PPARGC1A: variants seen among roughly 807,000 people sequenced by gnomAD.
PPARGC1A encodes peroxisome proliferator-activated receptor gamma coactivator 1-alpha.
A neutral mutation model predicts 88.7 loss-of-function variants in PPARGC1A; 25 were observed. The observed-to-expected ratio is 0.28, with a 90% CI of 0.21 to 0.39. The LOEUF (loss-of-function observed/expected upper bound fraction) is 0.39, where lower values mean the gene tolerates loss of function less well. Ranked by LOEUF, PPARGC1A falls within the 10% of genes least tolerant of loss-of-function variation. The pLI is 1.00. For synonymous variants in PPARGC1A, 363 were observed against 355.6 expected, an observed-to-expected ratio of 1.02 and a Z score of -0.24; for missense variants, 880 against 968.7, an observed-to-expected ratio of 0.91 and a Z score of 1.22.
chr4:24,191,175 T>C, the PPARGC1A span, among the ~76,000 whole-genome samples: 2 of 152,186 alleles, frequency 1.3e-5, no homozygotes, highest in South Asian at 2.1e-4. Context: ...TCGAGCTGTA[T>C]GTATTCTCGG....
At chr4:23,925,147 C>T in the PPARGC1A span, among the ~76,000 whole-genome samples, 13 of 152,208 alleles carry the variant, frequency 8.5e-5, no homozygotes, top group Non-Finnish European at 1.9e-4. Flanking sequence ...TAAAAATCTT[C>T]TCAATTTGAG....
chr4:24,446,213 C>G, the PPARGC1A span, among the ~76,000 whole-genome samples: 1 of 152,170 alleles, frequency 6.6e-6, no homozygotes, highest in Middle Eastern at 3.2e-3. Context: ...TGAATTTCCC[C>G]ACATCTTCAC....
chr4:24,462,243 AC>A, the PPARGC1A span, among the ~76,000 whole-genome samples: 1 of 129,886 alleles, frequency 7.7e-6, no homozygotes, highest in African/African-American at 2.8e-5. Flanking sequence ...ACACCACCGC[AC>A]CCGGCTAAAT....
the PPARGC1A span, among the ~76,000 whole-genome samples, chr4:23,962,066 A>C: frequency 6.6e-6 from 1 of 152,142 alleles, no homozygotes; most frequent in Admixed American, 6.5e-5. Context: ...TCAAACAGCA[A>C]ATCTGCTGAG....
the PPARGC1A span, among the ~76,000 whole-genome samples, chr4:24,165,576 T>G: frequency 6.6e-6 from 1 of 152,234 alleles, no homozygotes; most frequent in Non-Finnish European, 1.5e-5. Context: ...AGCACCACTT[T>G]TCCAATAGCA....
chr4:23,910,499 G>A, the PPARGC1A span, among the ~76,000 whole-genome samples: 1 of 140,916 alleles, frequency 7.1e-6, no homozygotes. Context: ...GGAGCACAAT[G>A]GCACAATCTC....
At chr4:24,096,799 G>T in the PPARGC1A span, among the ~76,000 whole-genome samples, 1 of 152,132 alleles carries the variant, frequency 6.6e-6, no homozygotes, top group Non-Finnish European at 1.5e-5. Flanking sequence ...TTAAGAATAT[G>T]CTGACTAATA....
At chr4:24,330,589 G>C in the PPARGC1A span, among the ~76,000 whole-genome samples, 3 of 152,168 alleles carry the variant, frequency 2.0e-5, no homozygotes, top group African/African-American at 7.2e-5. Flanking sequence ...GCTGACCCCA[G>C]TTAACCCCCA....
the PPARGC1A span, among the ~76,000 whole-genome samples, chr4:24,233,620 A>T: frequency 7.0e-6 from 1 of 142,156 alleles, no homozygotes; most frequent in African/African-American, 2.6e-5. Flanking sequence ...ACACACACAC[A>T]CATATACACA....
chr4:24,272,136 A>G, the PPARGC1A span, among the ~76,000 whole-genome samples: 2 of 152,126 alleles, frequency 1.3e-5, no homozygotes, highest in African/African-American at 4.8e-5. Flanking sequence ...TGCTGAGTCC[A>G]TGGGATGATG....
intron 12 of PPARGC1A, among the ~76,000 whole-genome samples, chr4:23,798,870 T>C (rs1261345998): frequency 6.6e-6 from 1 of 152,222 alleles, no homozygotes; most frequent in East Asian, 1.9e-4. Flanking sequence ...CTCACTCTCA[T>C]TTATAATACT....
chr4:24,022,082 A>G, the PPARGC1A span, among the ~76,000 whole-genome samples: 1 of 152,146 alleles, frequency 6.6e-6, no homozygotes, highest in African/African-American at 2.4e-5. Flanking sequence ...CTGAGGGGCC[A>G]GGTCAGGCTG....
chr4:24,335,220 A>G, the PPARGC1A span, among the ~76,000 whole-genome samples: 24 of 152,350 alleles, frequency 1.6e-4, no homozygotes, highest in Admixed American at 1.0e-3. Context: ...AGTATGTGTT[A>G]GGATTTTACA....
the PPARGC1A span, among the ~76,000 whole-genome samples, chr4:24,006,031 T>G: frequency 1.3e-5 from 2 of 151,972 alleles, no homozygotes; most frequent in Non-Finnish European, 2.9e-5. Flanking sequence ...TTTGGTTTTG[T>G]TTTTGTGTTG....
the PPARGC1A span, among the ~76,000 whole-genome samples, chr4:24,437,682 T>C: frequency 6.6e-6 from 1 of 151,990 alleles, no homozygotes; most frequent in Non-Finnish European, 1.5e-5. Context: ...TTTTTTTTTC[T>C]TTTCGAGATG....
chr4:24,103,617 G>A, the PPARGC1A span, among the ~76,000 whole-genome samples: 16 of 136,410 alleles, frequency 1.2e-4, no homozygotes, highest in Admixed American at 8.6e-4. Flanking sequence ...AAAAAGCCTC[G>A]TCAGTATAAA....
At chr4:24,155,135 T>TTA in the PPARGC1A span, among the ~76,000 whole-genome samples, 2 of 151,256 alleles carry the variant, frequency 1.3e-5, no homozygotes, top group African/African-American at 4.9e-5. Context: ...TTTTTTTTTT[T>TTA]ATCTATAGGT....
the PPARGC1A span, among the ~76,000 whole-genome samples, chr4:24,279,199 A>G: frequency 6.6e-6 from 1 of 152,336 alleles, no homozygotes; most frequent in African/African-American, 2.4e-5. Flanking sequence ...ATCAAAGGGT[A>G]TATGGCTTGA....
chr4:23,905,566 C>T (rs367875074), upstream of PPARGC1A, among the ~76,000 whole-genome samples: 2 of 152,056 alleles, frequency 1.3e-5, no homozygotes, highest in East Asian at 3.9e-4. Context: ...GATTTGGTGG[C>T]TAGAATAAAA....
Sources: allele counts gnomAD v4.1 joint callset (sites outside exome capture counted in the v4.1 genomes callset), GRCh38; gene constraint gnomAD v4.1.1; transcripts MANE v1.5; gene names NCBI Gene and HGNC (gene_info 2026-07-23, HGNC 2026-07-21).